Variants in ZBTB46 observed in about 807,000 individuals in gnomAD.
The protein encoded by ZBTB46 is zinc finger and BTB domain containing 46.
ZBTB46 carries 8 observed loss-of-function variants against 44.1 expected under a neutral mutation model. The ratio of observed to expected loss-of-function variants is 0.18; its 90% confidence interval spans 0.11 to 0.33. The LOEUF (loss-of-function observed/expected upper bound fraction) is 0.33. Ranked by LOEUF, ZBTB46 falls within the 10% of genes least tolerant of loss-of-function variation. The probability of loss-of-function intolerance (pLI) is 1.00; values close to 1 mark genes in which losing one functional copy is unlikely to be tolerated. For missense variants in ZBTB46, 651 were observed against 847.7 expected (o/e 0.77, Z 2.88); for synonymous variants, 409 against 382.3 (o/e 1.07, Z -0.81).
chr20:63,811,856 C>G (rs2092719490), intron 1 of ZBTB46, among the ~76,000 whole-genome samples: 1 of 152,208 alleles, frequency 6.6e-6, no homozygotes, highest in South Asian at 2.1e-4. Context: ...CACTAAGTAG[C>G]ACATCTATTT....
chr20:63,786,930 G>A (rs908863382), intron 2 of ZBTB46, among the ~76,000 whole-genome samples: 2 of 152,172 alleles, frequency 1.3e-5, no homozygotes, highest in Non-Finnish European at 2.9e-5. Context: ...GGGATTTTGG[G>A]CCTGAGCGAC....
intron 1 of ZBTB46, 143 bp from the exon 2 acceptor site, chr20:63,790,933 GCA>G (rs1437774856): frequency 1.0e-5 from 12 of 1,199,476 alleles, no homozygotes; most frequent in Non-Finnish European, 1.4e-5. Flanking sequence ...CCACAGGTGT[GCA>G]GCGGGAGGCC....
chr20:63,787,076 T>A lies in ZBTB46; in HGVS notation c.937+2745A>T, dbSNP rs1418243353. On this transcript the variant is annotated intron_variant, in intron 2 of 4. Transcript: ENST00000245663. This position sits in a 1 kb window ranked among gnomAD's most constrained non-coding sequence, Gnocchi z 4.6. ...GAACAGCATTTACCCGCAGGTGGGG[T>A]AGAGGCAAGAGGAAGGTACTGTATG... Among the ~76,000 whole-genome samples, 1 of 152,018 alleles carries A rather than the reference T, an allele frequency of 6.6e-6. No individual in the cohort carries two copies. Among genetic ancestry groups the A allele is most frequent in the East Asian group, 1.9e-4 (1 of 5,186 alleles).
rs545553328 is a variant in ZBTB46 at position 63,744,145 on chromosome 20, C to T, written c.*2785G>A. The T allele has an allele frequency of 2.8e-4, 43 of 152,346 alleles. No individual in the cohort carries two copies. The highest frequency in any genetic ancestry group is 9.1e-4 in the African/African-American group (38 of 41,586). The allele number at this position is 152,346 out of a possible 1,614,324, so 9.4% of individuals were successfully genotyped here. A position where few individuals can be genotyped will look rare whatever the true frequency, so the allele number is the denominator to read the frequency against. ...AACCACCACCATTAAGTATGGCTTT[C>T]TTAAGAGTCGCACATGTCACAGAAT... On this transcript the variant is annotated 3_prime_UTR_variant, in exon 5 of 5. Coordinates refer to ENST00000245663, the MANE Select transcript of ZBTB46 (RefSeq NM_001369741.1).
At chr20:63,754,041 C>T (rs928992550) in intron 3 of ZBTB46, among the ~76,000 whole-genome samples, 2 of 152,238 alleles carry the variant, frequency 1.3e-5, no homozygotes, top group Non-Finnish European at 1.5e-5. Flanking sequence ...CAAAAGGCAG[C>T]TCTAACAGGA....
At chr20:63,793,112 ACCAGGCCCCCGCCTGACT>A (rs151153429) in intron 1 of ZBTB46, among the ~76,000 whole-genome samples, 5,457 of 152,222 alleles carry the variant, frequency 0.036, 135 homozygotes, top group Non-Finnish European at 0.055. Context: ...AGATGCCAAG[ACCAGGCCCCCGCCTGACT>A]CCAGGTGCTG....
At chr20:63,798,964 C>A (rs2092623988) in intron 1 of ZBTB46, among the ~76,000 whole-genome samples, 1 of 152,128 alleles carries the variant, frequency 6.6e-6, no homozygotes, top group African/African-American at 2.4e-5. Flanking sequence ...ACAAAGGTGG[C>A]CGCAGCCATC....
chr20:63,807,634 C>T (rs977830630), intron 1 of ZBTB46, among the ~76,000 whole-genome samples: 2 of 152,250 alleles, frequency 1.3e-5, no homozygotes, highest in Admixed American at 6.5e-5. Flanking sequence ...TGTGAGCCAC[C>T]GCGCCCGGCC....
In ZBTB46 at chr20:63,804,077, C is replaced by T. The variant is rs532900773; in HGVS notation, c.-33-13287G>A. 3.9e-5 allele frequency among the ~76,000 whole-genome samples: 6 copies of T among 152,246 alleles called. No homozygotes were observed. In the South Asian group the frequency reaches 1.0e-3, roughly 26 times the overall value. Reference sequence around the variant, plus strand: ...TTTCCAAACACCTCTCACTGCCCTGCGCTGTCCCATCTCAGCCCCAGCCAC... The same window carrying T: ...TTTCCAAACACCTCTCACTGCCCTGTGCTGTCCCATCTCAGCCCCAGCCAC... On this transcript the variant is annotated intron_variant, in intron 1 of 4. Transcript: ENST00000245663.
chr20:63,793,259 T>G (rs2092575472), intron 1 of ZBTB46, among the ~76,000 whole-genome samples: 1 of 152,112 alleles, frequency 6.6e-6, no homozygotes, highest in Non-Finnish European at 1.5e-5. Flanking sequence ...AAGGAAGAGA[T>G]GACATTCGGA....
At chr20:63,820,687 C>T (rs1334203193) in intron 1 of ZBTB46, among the ~76,000 whole-genome samples, 1 of 152,070 alleles carries the variant, frequency 6.6e-6, no homozygotes, top group Non-Finnish European at 1.5e-5. Context: ...CCACCTGGGC[C>T]TTCCAAAGTT....
upstream of ZBTB46, among the ~76,000 whole-genome samples, chr20:63,832,471 G>T (rs999451377): frequency 6.6e-6 from 1 of 152,214 alleles, no homozygotes; most frequent in African/African-American, 2.4e-5. This position sits in a 1 kb window ranked among gnomAD's most constrained non-coding sequence, Gnocchi z 5.0. Context: ...GTGGGAGGCG[G>T]CGGCCCTATG....
chr20:63,828,849 G>A (rs2146112400), intron 1 of ZBTB46, among the ~76,000 whole-genome samples: 1 of 152,348 alleles, frequency 6.6e-6, no homozygotes, highest in South Asian at 2.1e-4. Flanking sequence ...CACGAAGTGG[G>A]TCTCCAGGGC....
rs2092662314 is a variant in ZBTB46, at chr20:63,803,476, G to C, written c.-33-12686C>G. 1 of 985,242 alleles carries C rather than the reference G, an allele frequency of 1.0e-6. No individual in the cohort carries two copies. The highest frequency in any genetic ancestry group is 1.2e-6 in the Non-Finnish European group (1 of 829,928). The allele number at this position is 985,242 out of a possible 1,614,324, so 61.0% of individuals were successfully genotyped here. On this transcript the variant is annotated intron_variant, in intron 1 of 4. Transcript: ENST00000245663. This position sits in a 1 kb window ranked among gnomAD's most constrained non-coding sequence, Gnocchi z 4.0. ...ATCTCCAGTGAGCAAGTGGGTGCTG[G>C]CGATGAGGACTTTAGGTTTTCCACA...
intron 3 of ZBTB46, among the ~76,000 whole-genome samples, chr20:63,758,456 G>C (rs1008160564): frequency 1.2e-4 from 18 of 151,880 alleles, no homozygotes; most frequent in African/African-American, 4.1e-4. Flanking sequence ...TTCCCCATGT[G>C]TCTCTGCCTG....
chr20:63,761,239 T>TTGAC (rs2092273677), intron 3 of ZBTB46, among the ~76,000 whole-genome samples: 1 of 150,814 alleles, frequency 6.6e-6, no homozygotes, highest in Non-Finnish European at 1.5e-5. Context: ...CCTCAAGTGA[T>TTGAC]TGACGCACTT....
At position 63,803,615 on chromosome 20, in the gene ZBTB46, C is replaced by T; in HGVS notation, c.-33-12825G>A. ...GGAGGCCCTGCCAGCCCCGCCCCTC[C>T]CTGCCCACTGGCCCCTTTCAGTTCC... is the stretch of plus-strand genomic sequence containing the variant. On this transcript the variant is annotated intron_variant, in intron 1 of 4. Transcript: ENST00000245663. The surrounding 1 kb of genome is among the most constrained non-coding windows in gnomAD (Gnocchi z 4.0). 3 of 726,360 alleles carry T rather than the reference C, an allele frequency of 4.1e-6. No individual in the cohort carries two copies. The highest frequency in any genetic ancestry group is 3.4e-6 in the Non-Finnish European group (2 of 593,440). The allele number at this position is 726,360 out of a possible 1,614,324, so 45.0% of individuals were successfully genotyped here.
chr20:63,831,302 C>CCGCGCCCG (rs2092850341), upstream of ZBTB46: 2 of 133,986 alleles, frequency 1.5e-5, no homozygotes, highest in South Asian at 2.3e-4. Flanking sequence ...CCCCCGCCGC[C>CCGCGCCCG]CGCGCGCGCG....
intron 1 of ZBTB46, among the ~76,000 whole-genome samples, chr20:63,807,518 C>T (rs6011130): frequency 0.18 from 27,344 of 151,976 alleles, 2,988 homozygotes; most frequent in East Asian, 0.45. Context: ...CTAATTTTTG[C>T]ATTTTTAGTA....
Sources: allele counts gnomAD v4.1 joint callset (sites outside exome capture counted in the v4.1 genomes callset), GRCh38; gene constraint gnomAD v4.1.1; non-coding constraint Gnocchi (gnomAD v3.1); transcripts MANE v1.5; gene names NCBI Gene and HGNC (gene_info 2026-07-23, HGNC 2026-07-21).